The following ZFP64 variants were observed in gnomAD, a reference collection of about 807,000 sequenced individuals.
The protein encoded by ZFP64 is zinc finger protein 64.
A neutral mutation model predicts 51.6 loss-of-function variants in ZFP64; 14 were observed. The ratio of observed to expected loss-of-function variants is 0.27; its 90% CI spans 0.18 to 0.42. The LOEUF (loss-of-function observed/expected upper bound fraction) is 0.42. Among genes scored for constraint, ZFP64 ranks in the 10% least tolerant of loss-of-function variants. The probability of loss-of-function intolerance (pLI) is 1.00; values close to 1 mark genes in which losing one functional copy is unlikely to be tolerated. For synonymous variants in ZFP64, 375 were observed against 361.4 expected, an observed-to-expected ratio of 1.04 and a Z score of -0.43; for missense variants, 754 against 906.8, an observed-to-expected ratio of 0.83 and a Z score of 2.16.
At chr20:52,089,379 C>T (rs1446084072) in intron 7 of ZFP64, among the ~76,000 whole-genome samples, 2 of 152,112 alleles carry the variant, frequency 1.3e-5, no homozygotes, top group East Asian at 1.9e-4. Context: ...AAAAGGGTGT[C>T]GAATGACAGC....
At chr20:52,107,985 G>C (rs1978354152) in intron 5 of ZFP64, among the ~76,000 whole-genome samples, 1 of 152,212 alleles carries the variant, frequency 6.6e-6, no homozygotes, top group African/African-American at 2.4e-5. Context: ...TGGCACTTTG[G>C]GAAGCTGAGG....
At chr20:52,181,470 C>A (rs1983609660) in intron 2 of ZFP64, among the ~76,000 whole-genome samples, 1 of 152,146 alleles carries the variant, frequency 6.6e-6, no homozygotes, top group Non-Finnish European at 1.5e-5. Flanking sequence ...ACATGCCAGA[C>A]AACGGGCAGC....
Position 52,098,385 on chromosome 20 carries a change from G to A in ZFP64, c.913+53C>T, listed in dbSNP as rs763571903. ...CAGCTCAGAGATTCACGTAGGGCTT[G>A]CAGATCAGTGCTTGGCTCAGAAGCG... On this transcript the variant is annotated intron_variant, in intron 6 of 8. Coordinates refer to the ZFP64 transcript ENST00000361387. 777 of 1,598,798 alleles carry A rather than the reference G, an allele frequency of 4.9e-4. 1 individual carries two copies. Among genetic ancestry groups the A allele is most frequent in the Non-Finnish European group, 6.3e-4 (743 of 1,170,466 alleles).
chr20:52,111,146 C>T, intron 5 of ZFP64: 1 of 697,736 alleles, frequency 1.4e-6, no homozygotes, highest in Non-Finnish European at 2.6e-6. Flanking sequence ...CCGGGTTCCG[C>T]GACGGGGAGG....
chr20:52,134,140 T>C (rs1246987136), intron 5 of ZFP64, among the ~76,000 whole-genome samples: 1 of 151,720 alleles, frequency 6.6e-6, no homozygotes, highest in Non-Finnish European at 1.5e-5. Flanking sequence ...AATGCTGAAA[T>C]TGAGGATCCC....
chr20:52,101,751 T>C (rs926492351), intron 5 of ZFP64, among the ~76,000 whole-genome samples: 2 of 151,770 alleles, frequency 1.3e-5, no homozygotes, highest in African/African-American at 4.8e-5. Context: ...ATGATTCTGC[T>C]GTATTACTTG....
chr20:52,124,351 G>A (rs1979345480), intron 5 of ZFP64, among the ~76,000 whole-genome samples: 1 of 152,164 alleles, frequency 6.6e-6, no homozygotes, highest in Non-Finnish European at 1.5e-5. Flanking sequence ...CTTCTGGGGA[G>A]CGAAGTTGGA....
intron 5 of ZFP64, chr20:52,110,941 T>C (rs1600716937): frequency 5.1e-6 from 8 of 1,559,242 alleles, no homozygotes; most frequent in Non-Finnish European, 7.1e-6. Context: ...ACCGTAGCGG[T>C]ACTGGGTGTT....
chr20:52,139,866 A>C (rs1302078026), intron 5 of ZFP64, among the ~76,000 whole-genome samples: 1 of 84,728 alleles, frequency 1.2e-5, no homozygotes, highest in Non-Finnish European at 2.6e-5. Context: ...TTTTTTTTTT[A>C]CAAATTGAAG....
intron 6 of ZFP64, among the ~76,000 whole-genome samples, chr20:52,098,038 C>T (rs1356053740): frequency 5.9e-5 from 9 of 152,160 alleles, no homozygotes; most frequent in Non-Finnish European, 8.8e-5. Flanking sequence ...CACTATACTC[C>T]AGCCTTAACA....
exon 9 of ZFP64, chr20:52,084,470 G>C: frequency 7.5e-7 from 1 of 1,334,024 alleles, no homozygotes; most frequent in South Asian, 1.5e-5. Flanking sequence ...GGTGCCCAAA[G>C]CCTGTCTCTC....
chr20:52,165,578 T>C (rs1982190316), intron 3 of ZFP64: 1 of 595,592 alleles, frequency 1.7e-6, no homozygotes, highest in Admixed American at 2.1e-5. Flanking sequence ...ACTGGATATC[T>C]TCCTAAGCTA....
chr20:52,173,464 T>C (rs1474834643), intron 2 of ZFP64, among the ~76,000 whole-genome samples: 2 of 152,110 alleles, frequency 1.3e-5, no homozygotes, highest in Non-Finnish European at 2.9e-5. Flanking sequence ...GCTGTGTGCC[T>C]GTAGTTTCAG....
In ZFP64 at chr20:52,151,608, G is replaced by A. The variant is rs1468815493; in HGVS notation, c.*538C>T. ...TCCAACCCCTCATTGGAATCATCTT[G>A]GTAACATTTAAGATTCTACAACAGT... is the stretch of plus-strand genomic sequence containing the variant. On this transcript the variant is annotated 3_prime_UTR_variant, in exon 6 of 6. Coordinates refer to ENST00000216923, the MANE Select transcript of ZFP64 (RefSeq NM_018197.3). 3 of 986,380 alleles carry A rather than the reference G, an allele frequency of 3.0e-6. No individual in the cohort carries two copies. Among genetic ancestry groups the A allele is most frequent in the Non-Finnish European group, 2.4e-6 (2 of 830,764 alleles). 61.1% of individuals were successfully genotyped at this position (986,380 alleles called of 1,614,324 possible).
chr20:52,164,688 T>TA lies in ZFP64; in HGVS notation c.511+6dup, dbSNP rs768970087. The TA allele has an allele frequency of 6.2e-7, 1 of 1,613,354 alleles. No homozygotes were observed. The highest frequency in any genetic ancestry group is 1.3e-5 in the African/African-American group (1 of 74,880). ...GAGGGCATATGCGCTAAAGAAATGCTACTTACCCGTGTGAATTTTTAAATG... is the reference window on the plus strand; with the variant it reads ...GAGGGCATATGCGCTAAAGAAATGCTAACTTACCCGTGTGAATTTTTAAATG... On this transcript the variant is annotated splice_region_variant and intron_variant, in intron 4 of 5. Transcript: ENST00000216923.
intron 5 of ZFP64, among the ~76,000 whole-genome samples, chr20:52,099,656 G>C (rs111741144): frequency 6.6e-6 from 1 of 152,180 alleles, no homozygotes; most frequent in South Asian, 2.1e-4. Flanking sequence ...ATAGTCTAAG[G>C]ATGAATGTTG....
At chr20:52,101,109 C>T (rs1202999580) in intron 5 of ZFP64, among the ~76,000 whole-genome samples, 1 of 152,158 alleles carries the variant, frequency 6.6e-6, no homozygotes, top group African/African-American at 2.4e-5. Context: ...GCCAGGGATG[C>T]TGCTAGACAT....
chr20:52,174,657 T>C (rs377519074), intron 2 of ZFP64, among the ~76,000 whole-genome samples: 11 of 152,286 alleles, frequency 7.2e-5, no homozygotes, highest in African/African-American at 2.6e-4. Flanking sequence ...ATCATTTTGG[T>C]TGCTGAATAG....
At chr20:52,164,653 A>T in intron 4 of ZFP64, 42 bp downstream of exon 4, 1 of 1,543,326 alleles carries the variant, frequency 6.5e-7, no homozygotes, top group Non-Finnish European at 9.0e-7. Context: ...CCTAGCACAG[A>T]GCAGGTGTTG....
Sources: gnomAD v4.1 joint callset for allele counts (sites outside exome capture counted in the v4.1 genomes callset) on GRCh38, gnomAD v4.1.1 for gene constraint, MANE v1.5 for transcripts, NCBI Gene and HGNC (gene_info 2026-07-23, HGNC 2026-07-21) for gene names.